Variants in JADE3 observed in about 807,000 individuals in gnomAD.
JADE3 encodes jade family PHD finger 3.
JADE3 carries 2 observed loss-of-function variants against 50.1 expected under a neutral mutation model. That is an observed-to-expected ratio of 0.04 (90% CI 0.02 to 0.13). The LOEUF (loss-of-function observed/expected upper bound fraction) is 0.13. JADE3 is among the 10% of genes least tolerant of loss of function. JADE3 has a pLI of 1.00. For missense variants in JADE3, 475 were observed against 634.4 expected, an observed-to-expected ratio of 0.75 and a Z score of 2.70; for synonymous variants, 218 against 232.9, an observed-to-expected ratio of 0.94 and a Z score of 0.58.
intron 1 of JADE3, among the ~76,000 whole-genome samples, chrX:46,917,862 T>TCCCC (rs1569533776): frequency 2.8e-5 from 2 of 71,602 alleles, no homozygotes; most frequent in Admixed American, 1.6e-4. Context: ...TCTCATCCTC[T>TCCCC]CTCTCTCTCT....
intron 1 of JADE3, among the ~76,000 whole-genome samples, chrX:46,914,585 A>G (rs1556335889): frequency 8.9e-6 from 1 of 112,042 alleles, no homozygotes; most frequent in Non-Finnish European, 1.9e-5. Flanking sequence ...TCAACTTTCA[A>G]TCGATGTTAG....
chrX:46,983,189 T>C (rs1370022952), intron 1 of JADE3, among the ~76,000 whole-genome samples: 3 of 111,946 alleles, frequency 2.7e-5, no homozygotes, highest in Non-Finnish European at 3.8e-5. Context: ...TTCTGTACAC[T>C]CAGTTGCAAA....
chrX:46,951,326 C>G (rs1169759232), intron 1 of JADE3, among the ~76,000 whole-genome samples: 5 of 90,398 alleles, frequency 5.5e-5, no homozygotes, highest in Non-Finnish European at 1.1e-4. Context: ...CCGCACCCAG[C>G]CTGTAATCCC....
rs1925977403 is a variant in JADE3 at position 46,912,481 on chromosome X, C to T, written c.-250C>T. ...TCAGCCGCCGCCGCCGCCCAACCGCCTGCCCAGCGCTGAGGCCTGACGGGC... is the reference window on the plus strand; with the variant it reads ...TCAGCCGCCGCCGCCGCCCAACCGCTTGCCCAGCGCTGAGGCCTGACGGGC... On this transcript the variant is annotated 5_prime_UTR_variant, in exon 1 of 11. Transcript: ENST00000614628. The T allele has an allele frequency of 8.9e-6, 1 of 112,245 alleles. No homozygotes were observed. The highest frequency in any genetic ancestry group is 1.9e-5 in the Non-Finnish European group (1 of 53,147). 9.3% of individuals were successfully genotyped at this position (112,245 alleles called of 1,213,427 possible). A position where few individuals can be genotyped will look rare whatever the true frequency, so the allele number is the denominator to read the frequency against.
At chrX:46,968,715 G>A (rs1335152547) in intron 1 of JADE3, among the ~76,000 whole-genome samples, 1 of 109,489 alleles carries the variant, frequency 9.1e-6, no homozygotes, top group Admixed American at 9.7e-5. Context: ...ACAAAGGGTC[G>A]ATCCACCAAG....
intron 4 of JADE3, among the ~76,000 whole-genome samples, chrX:46,999,726 A>G (rs894052712): frequency 9.1e-6 from 1 of 110,362 alleles, no homozygotes; most frequent in Non-Finnish European, 1.9e-5. Flanking sequence ...CTTTTCTGCC[A>G]GAGGAAGTAA....
At chrX:46,965,406 T>C (rs1556348852) in intron 1 of JADE3, among the ~76,000 whole-genome samples, 1 of 111,323 alleles carries the variant, frequency 9.0e-6, no homozygotes, top group Non-Finnish European at 1.9e-5. Flanking sequence ...AAGAATAACA[T>C]CCATTACAAA....
intron 4 of JADE3, among the ~76,000 whole-genome samples, chrX:47,008,407 G>C (rs1481108484): frequency 8.9e-6 from 1 of 112,010 alleles, no homozygotes; most frequent in Non-Finnish European, 1.9e-5. Context: ...AAAGGTGCTT[G>C]CTCCATGTTG....
At chrX:46,998,337 T>C (rs1928187367) in intron 4 of JADE3, 60 bp downstream of exon 4, 5 of 1,053,714 alleles carry the variant, frequency 4.7e-6, no homozygotes, top group East Asian at 3.0e-5. Flanking sequence ...TGTCTGCTGC[T>C]TGGGGAGAAA....
In JADE3 at chrX:46,917,154, A is replaced by G. The variant is rs182690507; in HGVS notation, c.-12+4435A>G. Among the ~76,000 whole-genome samples the G allele has an allele frequency of 4.7e-3, 438 of 92,275 alleles. 3 individuals are homozygous for G. The highest frequency in any genetic ancestry group is 0.017 in the African/African-American group (403 of 23,889). 80.1% of individuals were successfully genotyped at this position (92,275 alleles called of 115,157 possible). A position where few individuals can be genotyped will look rare whatever the true frequency, so the allele number is the denominator to read the frequency against. On this transcript the variant is annotated intron_variant, in intron 1 of 10. Coordinates refer to ENST00000614628, the MANE Select transcript of JADE3 (RefSeq NM_014735.5). ...ATTGATCAATGCTCTGTAAACATTC[A>G]TTTCATCTTACTCTACAAAAATGCA... is the stretch of plus-strand genomic sequence containing the variant.
chrX:47,000,534 T>G (rs938090793), intron 4 of JADE3, among the ~76,000 whole-genome samples: 3 of 111,409 alleles, frequency 2.7e-5, no homozygotes, highest in Non-Finnish European at 5.7e-5. Context: ...AGCAACAGTT[T>G]AAGAACAGTA....
intron 8 of JADE3, among the ~76,000 whole-genome samples, chrX:47,043,539 G>T (rs921839289): frequency 1.8e-5 from 2 of 112,388 alleles, no homozygotes; most frequent in Non-Finnish European, 3.8e-5. Context: ...TGGAAAAGAG[G>T]CTGGGTGCAG....
chrX:47,017,349 T>C (rs190846974), intron 4 of JADE3, among the ~76,000 whole-genome samples: 4 of 112,231 alleles, frequency 3.6e-5, no homozygotes, highest in Middle Eastern at 4.7e-3. Context: ...GACTGAAGGA[T>C]TTTGAGTCAT....
chrX:47,037,615 G>A (rs1204955525), intron 7 of JADE3, among the ~76,000 whole-genome samples: 9 of 111,366 alleles, frequency 8.1e-5, no homozygotes, highest in African/African-American at 2.9e-4. Context: ...GCAAGACCTG[G>A]TCTCTACAAA....
intron 8 of JADE3, among the ~76,000 whole-genome samples, chrX:47,039,400 T>TC (rs1470199771): frequency 1.8e-5 from 2 of 110,781 alleles, no homozygotes; most frequent in African/African-American, 6.6e-5. Context: ...CTTTTTTTTT[T>TC]TTTTAATTTC....
intron 1 of JADE3, among the ~76,000 whole-genome samples, chrX:46,914,971 T>G (rs1602365574): frequency 8.9e-6 from 1 of 111,961 alleles, no homozygotes; most frequent in Admixed American, 9.4e-5. Flanking sequence ...GAAGAAAGGG[T>G]GTTGAAGACT....
intron 1 of JADE3, among the ~76,000 whole-genome samples, chrX:46,962,115 C>T (rs1407960810): frequency 2.7e-5 from 3 of 111,279 alleles, no homozygotes; most frequent in Non-Finnish European, 5.6e-5. Flanking sequence ...TGCGCCTCCT[C>T]ACAGGGTCTT....
At chrX:47,036,974 G>C (rs1229807164) in intron 7 of JADE3, among the ~76,000 whole-genome samples, 19 of 85,068 alleles carry the variant, frequency 2.2e-4, no homozygotes, top group Admixed American at 1.4e-4. Flanking sequence ...TAGGGGGAGG[G>C]GGGAGGGATA....
Position 46,998,289 on chromosome X carries a change from C to A in JADE3, c.284+12C>A, listed in dbSNP as rs782509952. On this transcript the variant is annotated intron_variant, in intron 4 of 10. Coordinates refer to ENST00000614628, the MANE Select transcript of JADE3 (RefSeq NM_014735.5). ...CAGCCTTCTCTCAGGTATTTGCATG[C>A]TTGCACCTTTGACTTAGGGAATGAA... The A allele has an allele frequency of 5.9e-6, 7 of 1,193,618 alleles. No homozygotes were observed. Among genetic ancestry groups the A allele is most frequent in the Non-Finnish European group, 7.9e-6 (7 of 884,981 alleles).
Sources: allele counts gnomAD v4.1 joint callset (sites outside exome capture counted in the v4.1 genomes callset), GRCh38; gene constraint gnomAD v4.1.1; transcripts MANE v1.5; gene names NCBI Gene and HGNC (gene_info 2026-07-23, HGNC 2026-07-21).